Variants in XRN1 observed in about 807,000 individuals in gnomAD.
XRN1 encodes strand-exchange protein 1 homolog.
A neutral mutation model predicts 222.3 loss-of-function variants in XRN1; 67 were observed. The observed-to-expected ratio is 0.30, with a 90% CI of 0.25 to 0.37. XRN1 has a LOEUF of 0.37. Among genes scored for constraint, XRN1 ranks in the 10% least tolerant of loss-of-function variants. XRN1 has a pLI of 1.00. For synonymous variants in XRN1, 643 were observed against 652.4 expected, an observed-to-expected ratio of 0.99 and a Z score of 0.22; for missense variants, 1,707 against 2,000.2, an observed-to-expected ratio of 0.85 and a Z score of 2.80.
chr3:142,320,996 T>C (rs1427016020), intron 37 of XRN1, among the ~76,000 whole-genome samples: 7 of 152,080 alleles, frequency 4.6e-5, no homozygotes, highest in Non-Finnish European at 1.5e-5. Context: ...ATTTGATCCA[T>C]TTTGAGTTAA....
Position 142,370,620 on chromosome 3 carries a change from A to C in XRN1, c.3069T>G (p.Gly1023=). ...TAATAATTTCTTGAACTTTTTCAGC[A>C]CTAAAGCAAAAACAATAATTTTTAA... ...DDIWPGENEN[G]AEKVQEIITW... Residue 1023 remains glycine, a splice_region_variant and synonymous_variant, in exon 27 of 41, where the codon GGT becomes GGG. Coordinates refer to ENST00000392981, the MANE Select transcript of XRN1 (RefSeq NM_001282857.2). The C allele has an allele frequency of 6.4e-7, 1 of 1,569,348 alleles. No homozygotes were observed. Among genetic ancestry groups the C allele is most frequent in the East Asian group, 2.3e-5 (1 of 43,376 alleles).
intron 20 of XRN1, among the ~76,000 whole-genome samples, chr3:142,396,954 G>A (rs1334636856): frequency 6.6e-6 from 1 of 152,140 alleles, no homozygotes; most frequent in Non-Finnish European, 1.5e-5. Flanking sequence ...GGGAACGGGA[G>A]AAGATGAGGA....
intron 40 of XRN1, 29 bp from the exon 41 acceptor site, chr3:142,311,842 A>G: frequency 6.5e-7 from 1 of 1,530,882 alleles, no homozygotes; most frequent in Non-Finnish European, 8.8e-7. Context: ...TCACTAATTA[A>G]TAATGTAGGC....
chr3:142,374,537 C>A (rs2067083948), intron 25 of XRN1, among the ~76,000 whole-genome samples: 1 of 151,874 alleles, frequency 6.6e-6, no homozygotes, highest in Admixed American at 6.6e-5. Context: ...AGGAAGTAAA[C>A]CTTTAATACA....
chr3:142,336,676 G>A lies in XRN1; in HGVS notation c.3878-1167C>T, dbSNP rs370442716. Reference sequence around the variant, plus strand: ...TAATGGAGGTAAGGAAGAGAGGAAGGGAAGAAAGTAATCTTACAAAACAAA... The same window carrying A: ...TAATGGAGGTAAGGAAGAGAGGAAGAGAAGAAAGTAATCTTACAAAACAAA... On this transcript the variant is annotated intron_variant, in intron 33 of 40. Transcript: ENST00000392981. Among the ~76,000 whole-genome samples the A allele has an allele frequency of 1.2e-3, 176 of 151,756 alleles. 1 individual carries two copies. Among genetic ancestry groups the A allele is most frequent in the African/African-American group, 4.0e-3 (165 of 41,376 alleles).
At chr3:142,322,935 G>A (rs1238945521) in intron 37 of XRN1, among the ~76,000 whole-genome samples, 6 of 152,142 alleles carry the variant, frequency 3.9e-5, no homozygotes, top group Non-Finnish European at 2.9e-5. Context: ...CCCGGGAGGC[G>A]GAGGTTGCAG....
Position 142,431,887 on chromosome 3 carries a change from TATATAATATATATATTATATATATAA to T in XRN1, c.308+748_308+773del, listed in dbSNP as rs1559879526. 5.7e-3 allele frequency among the ~76,000 whole-genome samples: 196 copies of T among 34,606 alleles called. 3 individuals are homozygous for T. The highest frequency in any genetic ancestry group is 0.028 in the African/African-American group (190 of 6,782). The allele number at this position is 34,606 out of a possible 152,430, so 22.7% of individuals were successfully genotyped here. A position where few individuals can be genotyped will look rare whatever the true frequency, so the allele number is the denominator to read the frequency against. On this transcript the variant is annotated intron_variant, in intron 2 of 40. Coordinates refer to ENST00000392981, the MANE Select transcript of XRN1 (RefSeq NM_001282857.2). ...ATAATATATTATATTATATATATTATATATAATATATATATTATATATATAAATATATATAATATAATATATTGTAT... is the reference window on the plus strand; with the variant it reads ...ATAATATATTATATTATATATATTATATATATATAATATAATATATTGTAT...
At chr3:142,315,902 G>A (rs1577204411) in intron 39 of XRN1, among the ~76,000 whole-genome samples, 1 of 152,124 alleles carries the variant, frequency 6.6e-6, no homozygotes, top group East Asian at 1.9e-4. Flanking sequence ...TCAATTATTT[G>A]CTTATGCTAC....
Position 142,341,036 on chromosome 3 carries a change from T to G in XRN1, c.3878-5527A>C, listed in dbSNP as rs570419382. ...CAGAAAAACACATAACACTGTATGG[T>G]ATGTAAACTACTCTTATAACTGATG... On this transcript the variant is annotated intron_variant, in intron 33 of 40. Coordinates refer to ENST00000392981, the MANE Select transcript of XRN1 (RefSeq NM_001282857.2). Among the ~76,000 whole-genome samples the G allele has an allele frequency of 5.9e-5, 9 of 152,252 alleles. 1 individual carries two copies. The East Asian group carries it at 1.7e-3, about 29-fold the overall frequency.
chr3:142,365,061 A>G lies in XRN1; in HGVS notation c.3380T>C (p.Ile1127Thr), dbSNP rs2066773801. Reference sequence around the variant, plus strand: ...TAGGATATTACCTCCTTTTATTCCTATGATGGTGCCTCGAAGGCCAACTGG... The same window carrying G: ...TAGGATATTACCTCCTTTTATTCCTGTGATGGTGCCTCGAAGGCCAACTGG... ...SVPVGLRGTI[I>T]GIKGANREAD... is the part of the protein sequence containing the mutation. Residue 1127 changes from isoleucine to threonine, a missense_variant, in exon 29 of 41, where the codon ATA becomes ACA. Coordinates refer to ENST00000392981, the MANE Select transcript of XRN1 (RefSeq NM_001282857.2). 2 of 1,613,184 alleles carry G rather than the reference A, an allele frequency of 1.2e-6. No individual in the cohort carries two copies. The highest frequency in any genetic ancestry group is 1.7e-6 in the Non-Finnish European group (2 of 1,179,634).
chr3:142,356,469 A>C (rs373060879), intron 31 of XRN1, among the ~76,000 whole-genome samples: 3 of 152,348 alleles, frequency 2.0e-5, no homozygotes, highest in East Asian at 1.9e-4. Flanking sequence ...TTGTCCCCAG[A>C]AAGAGGAAAT....
chr3:142,421,724 C>T (rs997665409), intron 8 of XRN1, among the ~76,000 whole-genome samples, 181 bp from the exon 9 acceptor site: 1 of 152,134 alleles, frequency 6.6e-6, no homozygotes, highest in Admixed American at 6.5e-5. Flanking sequence ...CTATAATATG[C>T]AACATGTAAG....
chr3:142,336,432 A>AAAGG (rs111774789), intron 33 of XRN1, among the ~76,000 whole-genome samples: 18,863 of 150,972 alleles, frequency 0.12, 1,197 homozygotes, highest in Non-Finnish European at 0.14. Context: ...AGAAGAGGAA[A>AAAGG]AAGGAAGGAA....
chr3:142,331,463 T>C (rs1164163654), intron 36 of XRN1, among the ~76,000 whole-genome samples: 2 of 152,198 alleles, frequency 1.3e-5, no homozygotes, highest in African/African-American at 4.8e-5. Flanking sequence ...AACATAATAT[T>C]AATATCAATT....
chr3:142,326,313 C>A (rs929477749), intron 37 of XRN1, among the ~76,000 whole-genome samples: 3 of 152,048 alleles, frequency 2.0e-5, no homozygotes, highest in Non-Finnish European at 2.9e-5. Context: ...TTTGTGTCTT[C>A]TTCAATTTCT....
intron 5 of XRN1, among the ~76,000 whole-genome samples, chr3:142,424,038 A>C (rs1247675598): frequency 1.3e-5 from 2 of 150,326 alleles, no homozygotes; most frequent in Non-Finnish European, 2.9e-5. Context: ...TAGCCCCAGT[A>C]TATGAAAACT....
chr3:142,322,957 C>T (rs893252336), intron 37 of XRN1, among the ~76,000 whole-genome samples: 2 of 152,084 alleles, frequency 1.3e-5, no homozygotes, highest in Non-Finnish European at 2.9e-5. Context: ...GAGCTGAGAT[C>T]ACAGCACTGC....
Position 142,357,091 on chromosome 3 carries a change from G to C in XRN1, c.3493C>G (p.Pro1165Ala). The C allele has an allele frequency of 6.2e-7, 1 of 1,612,904 alleles. No individual in the cohort carries two copies. The highest frequency in any genetic ancestry group is 8.5e-7 in the Non-Finnish European group (1 of 1,179,496). ...RCSPGRGYRL[P>A]TSALVNLSHG... Reference sequence around the variant, plus strand: ...GAAAGGTTCACCAAGGCACTTGTTGGCAGTCGATAACCTCTACCAGGTGAG... The same window carrying C: ...GAAAGGTTCACCAAGGCACTTGTTGCCAGTCGATAACCTCTACCAGGTGAG... Residue 1165 changes from proline (P) to alanine (A), a missense_variant, in exon 31 of 41, where the codon CCA becomes GCA. By Grantham distance (27) the Pro-to-Ala change is conservative. Transcript: ENST00000392981.
intron 21 of XRN1, among the ~76,000 whole-genome samples, chr3:142,384,283 AAG>A (rs2067415024): frequency 2.0e-5 from 3 of 151,190 alleles, no homozygotes; most frequent in African/African-American, 7.3e-5. Flanking sequence ...AAAAAAAAAA[AAG>A]AAAAAAAAAA....
Sources: gnomAD v4.1 joint callset for allele counts (sites outside exome capture counted in the v4.1 genomes callset) on GRCh38, gnomAD v4.1.1 for gene constraint, MANE v1.5 for transcripts, NCBI Gene and HGNC (gene_info 2026-07-23, HGNC 2026-07-21) for gene names.